Variants in ENKUR observed in about 807,000 individuals in gnomAD.
ENKUR encodes the protein enkurin.
A neutral mutation model predicts 27.6 loss-of-function variants in ENKUR; 19 were observed. That is an observed-to-expected ratio of 0.69 (90% CI 0.48 to 1.01). ENKUR has a LOEUF of 1.01. Ranked by LOEUF, ENKUR falls within the 50% of genes least tolerant of loss-of-function variation. The pLI is 0.00. For synonymous variants in ENKUR, 117 were observed against 96.9 expected (o/e 1.21, Z -1.22); for missense variants, 312 against 310.5 (o/e 1.00, Z -0.04).
chr10:25,025,670 A>C, intron 2 of ENKUR: 1 of 520,836 alleles, frequency 1.9e-6, no homozygotes, highest in Non-Finnish European at 3.5e-6. Flanking sequence ...CAGTGCACGG[A>C]CCTTTGAGCT....
chr10:24,999,657 T>A, intron 1 of ENKUR, 111 bp from the exon 2 acceptor site: 1 of 993,314 alleles, frequency 1.0e-6, no homozygotes, highest in South Asian at 1.6e-5. Flanking sequence ...TATATTCGTA[T>A]GGAAAAGCAT....
intron 2 of ENKUR, among the ~76,000 whole-genome samples, chr10:25,027,533 C>G (rs541310688): frequency 4.9e-4 from 67 of 136,780 alleles, no homozygotes; most frequent in African/African-American, 1.6e-3. Context: ...AGCAAAACTC[C>G]GTCTCCAAAA....
chr10:25,060,419 T>C (rs569966702), intron 2 of ENKUR, among the ~76,000 whole-genome samples: 3 of 152,262 alleles, frequency 2.0e-5, no homozygotes, highest in African/African-American at 7.2e-5. Flanking sequence ...GAAAACACAG[T>C]TCTCATCCTC....
chr10:25,010,721 T>C (rs1287041705), intron 1 of ENKUR, among the ~76,000 whole-genome samples: 2 of 138,128 alleles, frequency 1.4e-5, no homozygotes, highest in African/African-American at 4.9e-5. Context: ...TGTGATAGTT[T>C]ACTGAGAATG....
At chr10:25,044,100 G>A (rs1851094759) in intron 2 of ENKUR, among the ~76,000 whole-genome samples, 1 of 152,022 alleles carries the variant, frequency 6.6e-6, no homozygotes, top group Non-Finnish European at 1.5e-5. Flanking sequence ...TTAACTGTGG[G>A]TCACATTCTT....
intron 2 of ENKUR, among the ~76,000 whole-genome samples, chr10:25,027,312 C>T (rs1375572283): frequency 1.4e-5 from 2 of 139,850 alleles, no homozygotes; most frequent in African/African-American, 2.8e-5. Context: ...GCCGAAATCG[C>T]GCCACTGCCA....
In ENKUR at chr10:24,982,427, A is replaced by G. The variant is rs1849687658; in HGVS notation, c.*1943T>C. On this transcript the variant is annotated 3_prime_UTR_variant, in exon 6 of 6. Coordinates refer to ENST00000331161, the MANE Select transcript of ENKUR (RefSeq NM_145010.4). ...AAAAAGATCATAGACAAGGGGCCAGACCACATCAAATCTTTATTCTACCCA... is the reference window on the plus strand; with the variant it reads ...AAAAAGATCATAGACAAGGGGCCAGGCCACATCAAATCTTTATTCTACCCA... 1 of 152,240 alleles carries G rather than the reference A, an allele frequency of 6.6e-6. No individual in the cohort carries two copies. Among genetic ancestry groups the G allele is most frequent in the South Asian group, 2.1e-4 (1 of 4,824 alleles). 9.4% of individuals were successfully genotyped at this position (152,240 alleles called of 1,614,324 possible).
intron 2 of ENKUR, among the ~76,000 whole-genome samples, chr10:25,039,937 TAA>T (rs3050369): frequency 0.4 from 54,897 of 137,026 alleles, 10,630 homozygotes; most frequent in East Asian, 0.48. Context: ...CTTAAAGTAT[TAA>T]AAAAAAAAAA....
At chr10:25,045,344 G>A (rs1161055725) in intron 2 of ENKUR, among the ~76,000 whole-genome samples, 1 of 152,222 alleles carries the variant, frequency 6.6e-6, no homozygotes, top group East Asian at 1.9e-4. Context: ...TTGAGGGTCA[G>A]ATTTCTATTC....
At chr10:25,043,236 A>G (rs972101745) in intron 2 of ENKUR, among the ~76,000 whole-genome samples, 1 of 152,164 alleles carries the variant, frequency 6.6e-6, no homozygotes, top group African/African-American at 2.4e-5. Flanking sequence ...TAACAATAAA[A>G]CCACTCTGAA....
intron 2 of ENKUR, chr10:25,024,176 A>G (rs1480107624): frequency 1.3e-5 from 21 of 1,614,122 alleles, no homozygotes; most frequent in Non-Finnish European, 1.8e-5. Context: ...GAAACTGCTT[A>G]TGGGGAAAAC....
rs1564352066 is a variant in ENKUR at position 25,027,356 on chromosome 10, T to TAAAAAAAAAAAAAAAAAAA, written c.38-31488_38-31487insTTTTTTTTTTTTTTTTTTT. The stretch of plus-strand genomic sequence containing the variant: ...TGGGTGACAGAGCAAGACTCCCGTC[T>TAAAAAAAAAAAAAAAAAAA]CAAAAAAAAAAAAAAAAAAAAAAAA... On this transcript the variant is annotated intron_variant, in intron 2 of 5. Coordinates refer to the ENKUR transcript ENST00000615958. Among the ~76,000 whole-genome samples, 139 of 45,716 alleles carry TAAAAAAAAAAAAAAAAAAA rather than the reference T, an allele frequency of 3.0e-3. 27 individuals carry two copies. The highest frequency in any genetic ancestry group is 6.5e-3 in the South Asian group (8 of 1,234). The allele number at this position is 45,716 out of a possible 152,430, so 30.0% of individuals were successfully genotyped here. A position where few individuals can be genotyped will look rare whatever the true frequency, so the allele number is the denominator to read the frequency against.
chr10:24,986,708 G>T (rs1471617486), intron 4 of ENKUR, among the ~76,000 whole-genome samples: 1 of 152,170 alleles, frequency 6.6e-6, no homozygotes, highest in Non-Finnish European at 1.5e-5. Context: ...TTATCTTCCA[G>T]TGTGTACAAT....
intron 1 of ENKUR, among the ~76,000 whole-genome samples, chr10:25,007,316 ATTG>A (rs1445115256): frequency 6.6e-6 from 1 of 152,186 alleles, no homozygotes; most frequent in Non-Finnish European, 1.5e-5. Flanking sequence ...TTTAAGGAGT[ATTG>A]TTGTCATATT....
At chr10:25,032,660 A>T (rs11014357) in intron 2 of ENKUR, among the ~76,000 whole-genome samples, 68,860 of 152,016 alleles carry the variant, frequency 0.45, 16,801 homozygotes, top group African/African-American at 0.65. Context: ...CTAATCAGCC[A>T]AATTTTGAAG....
chr10:24,984,889 C>A lies in ENKUR; in HGVS notation c.611G>T (p.Trp204Leu), dbSNP rs1849748486. ...CTGGAATTCTTTATGCACCTCTTCC[C>A]AGTTCTTTTTCAGCCCCTGCAAATG... is the stretch of plus-strand genomic sequence containing the variant. ...EAVLQGLKKN[W>L]EEVHKEFQSL... Residue 204 changes from tryptophan to leucine, a missense_variant, in exon 5 of 6, where the codon TGG becomes TTG. Physicochemically the swap from Trp to Leu is moderately conservative, Grantham distance 61. Coordinates refer to ENST00000331161, the MANE Select transcript of ENKUR (RefSeq NM_145010.4). 2 of 1,612,462 alleles carry A rather than the reference C, an allele frequency of 1.2e-6. No individual in the cohort carries two copies. The highest frequency in any genetic ancestry group is 2.7e-5 in the African/African-American group (2 of 74,940).
At chr10:25,051,445 T>C (rs1478980847) in intron 2 of ENKUR, among the ~76,000 whole-genome samples, 2 of 152,160 alleles carry the variant, frequency 1.3e-5, no homozygotes, top group Non-Finnish European at 2.9e-5. Flanking sequence ...ACAGGAAGCA[T>C]GATGCTGGCA....
chr10:25,056,430 A>G lies in ENKUR; in HGVS notation c.37+4682T>C, dbSNP rs1851256634. On this transcript the variant is annotated intron_variant, in intron 2 of 5. Coordinates refer to the ENKUR transcript ENST00000615958. ...TATGAGAATGGGGGAAGACGCATTCATATTTTGGGAAAATTAGGGATTTGA... is the reference window on the plus strand; with the variant it reads ...TATGAGAATGGGGGAAGACGCATTCGTATTTTGGGAAAATTAGGGATTTGA... Among the ~76,000 whole-genome samples, 4 of 152,236 alleles carry G rather than the reference A, an allele frequency of 2.6e-5. No homozygotes were observed. In the South Asian group the frequency reaches 8.3e-4, roughly 32 times the overall value.
intron 1 of ENKUR, among the ~76,000 whole-genome samples, chr10:25,007,105 T>C (rs1850328440): frequency 6.6e-6 from 1 of 152,224 alleles, no homozygotes; most frequent in Admixed American, 6.5e-5. Context: ...CACAGTCTTA[T>C]TCTGTAAAAA....
Sources: allele counts gnomAD v4.1 joint callset (sites outside exome capture counted in the v4.1 genomes callset), GRCh38; gene constraint gnomAD v4.1.1; transcripts MANE v1.5; gene names NCBI Gene and HGNC (gene_info 2026-07-23, HGNC 2026-07-21).